LRPPRC: variants seen among roughly 807,000 people sequenced by gnomAD.
LRPPRC encodes the protein leucine-rich PPR motif-containing protein, mitochondrial.
LRPPRC carries 120 observed loss-of-function variants against 180.3 expected under a neutral mutation model. The ratio of observed to expected loss-of-function variants is 0.67; its 90% confidence interval spans 0.57 to 0.77. The LOEUF (loss-of-function observed/expected upper bound fraction) is 0.77. LRPPRC is among the 30% of genes least tolerant of loss of function. The pLI, the probability that LRPPRC is intolerant of heterozygous loss-of-function variation, is 0.00. For missense variants in LRPPRC, 2,012 were observed against 1,657.2 expected, an observed-to-expected ratio of 1.21 and a Z score of -3.72; for synonymous variants, 723 against 600.0, an observed-to-expected ratio of 1.21 and a Z score of -3.00.
chr2:43,958,868 G>A (rs997035806), intron 13 of LRPPRC: 4 of 225,316 alleles, frequency 1.8e-5, no homozygotes, highest in Admixed American at 5.6e-5. Context: ...GGAGGGGAAG[G>A]CACTGACAGG....
intron 30 of LRPPRC, among the ~76,000 whole-genome samples, chr2:43,911,674 A>C (rs561453882): frequency 1.4e-4 from 21 of 151,758 alleles, no homozygotes; most frequent in Non-Finnish European, 2.8e-4. Flanking sequence ...TTACAGGCAC[A>C]TGCCACCACG....
intron 3 of LRPPRC, among the ~76,000 whole-genome samples, chr2:43,978,885 T>C (rs916753887): frequency 6.6e-6 from 1 of 152,094 alleles, no homozygotes; most frequent in Non-Finnish European, 1.5e-5. Context: ...TCTTAAACAT[T>C]TAGTGAGTCC....
chr2:43,946,299 A>C, intron 20 of LRPPRC, 56 bp from the exon 21 acceptor site: 1 of 1,386,504 alleles, frequency 7.2e-7, no homozygotes, highest in Non-Finnish European at 1.0e-6. Flanking sequence ...TAAAAATGTC[A>C]CATTTTTAGC....
chr2:43,918,068 G>A lies in LRPPRC; in HGVS notation c.3105C>T (p.Phe1035=). Residue 1035 remains phenylalanine (F), a synonymous_variant, in exon 29 of 38, where the codon TTC becomes TTT. Transcript: ENST00000260665. ...GGCAGGCAATCAATATATCTTTCTG[G>A]AAATCAGGTTCTGTGGTTGAGGCTG... The part of the protein sequence containing the change: ...SSSASTTEPD[F]QKDILIACRL... 1 of 1,611,298 alleles carries A rather than the reference G, an allele frequency of 6.2e-7. No individual in the cohort carries two copies. The highest frequency in any genetic ancestry group is 8.5e-7 in the Non-Finnish European group (1 of 1,179,594).
chr2:43,922,177 A>G (rs1350474191), intron 27 of LRPPRC, among the ~76,000 whole-genome samples: 1 of 152,214 alleles, frequency 6.6e-6, no homozygotes, highest in Non-Finnish European at 1.5e-5. Flanking sequence ...AATTAGGACA[A>G]AATTTTGTAA....
At chr2:43,908,156 A>G (rs1025591082) in intron 30 of LRPPRC, among the ~76,000 whole-genome samples, 2 of 152,174 alleles carry the variant, frequency 1.3e-5, no homozygotes, top group Admixed American at 6.5e-5. Context: ...ATCAAGTGCT[A>G]CTCTCAAAAG....
At chr2:43,960,450 C>T in intron 13 of LRPPRC, 91 bp downstream of exon 13, 1 of 784,342 alleles carries the variant, frequency 1.3e-6, no homozygotes, top group Admixed American at 1.7e-5. Flanking sequence ...TATAAACCTT[C>T]CTTGCTTTCA....
At chr2:43,909,046 G>A (rs1017680883) in intron 30 of LRPPRC, among the ~76,000 whole-genome samples, 1 of 152,210 alleles carries the variant, frequency 6.6e-6, no homozygotes, top group Non-Finnish European at 1.5e-5. Context: ...AATGGGAAAT[G>A]GGAAGAGAGG....
chr2:43,979,758 AAC>A, intron 3 of LRPPRC, 66 bp downstream of exon 3: 3 of 1,402,186 alleles, frequency 2.1e-6, no homozygotes, highest in Non-Finnish European at 3.0e-6. Context: ...TATGTAAACA[AAC>A]ACTTTTTTGC....
At chr2:43,946,510 G>T (rs1672687184) in intron 20 of LRPPRC, among the ~76,000 whole-genome samples, 1 of 152,104 alleles carries the variant, frequency 6.6e-6, no homozygotes, top group Admixed American at 6.6e-5. Context: ...TAGGCTTTGT[G>T]TATGGTATTA....
chr2:43,897,439 A>C (rs758228590), intron 34 of LRPPRC, among the ~76,000 whole-genome samples: 10 of 152,210 alleles, frequency 6.6e-5, no homozygotes, highest in Non-Finnish European at 1.5e-4. Flanking sequence ...CAAAGCTTTA[A>C]AACACTGTCA....
Position 43,947,744 on chromosome 2 carries a change from A to G in LRPPRC, c.1952T>C (p.Leu651Ser). The G allele has an allele frequency of 6.3e-7, 1 of 1,583,726 alleles. No individual in the cohort carries two copies. Among genetic ancestry groups the G allele is most frequent in the South Asian group, 1.1e-5 (1 of 90,374 alleles). The stretch of plus-strand genomic sequence containing the variant: ...AATCCTACTTACTTTTTGAAAGTCT[A>G]AATTCTTACTCTCAACCAACAAGTG... ...DAHLLVESKN[L>S]DFQKTVQLTS... is the part of the protein sequence containing the mutation. Residue 651 changes from leucine to serine, a missense_variant, in exon 19 of 38, where the codon TTA becomes TCA. Physicochemically the swap from Leu to Ser is moderately radical, Grantham distance 145. Transcript: ENST00000260665.
chr2:43,981,934 GTCTC>G (rs561717078), intron 2 of LRPPRC, among the ~76,000 whole-genome samples: 2 of 151,824 alleles, frequency 1.3e-5, no homozygotes, highest in South Asian at 2.1e-4. Flanking sequence ...AAAGACAGAT[GTCTC>G]TCTCTGTCGC....
Position 43,995,765 on chromosome 2 carries a change from G to A in LRPPRC, c.149+34C>T, listed in dbSNP as rs914463874. On this transcript the variant is annotated intron_variant, in intron 1 of 37. Coordinates refer to ENST00000260665, the MANE Select transcript of LRPPRC (RefSeq NM_133259.4). ...CACGACCCCGGGGGACCCTGGCGCC[G>A]CAGCTTGCCTGGAGAAAGGGCCTGG... is the stretch of plus-strand genomic sequence containing the variant. 11 of 1,346,886 alleles carry A rather than the reference G, an allele frequency of 8.2e-6. No homozygotes were observed. In the Admixed American group the frequency reaches 2.5e-4, roughly 30 times the overall value. The allele number at this position is 1,346,886 out of a possible 1,614,324, so 83.4% of individuals were successfully genotyped here.
intron 25 of LRPPRC, among the ~76,000 whole-genome samples, chr2:43,933,646 T>A (rs769697277): frequency 6.6e-6 from 1 of 152,124 alleles, no homozygotes; most frequent in Non-Finnish European, 1.5e-5. Flanking sequence ...AATATACTAA[T>A]CCTAAATAGG....
intron 23 of LRPPRC, among the ~76,000 whole-genome samples, chr2:43,935,664 TTC>T: frequency 6.6e-6 from 1 of 152,164 alleles, no homozygotes; most frequent in East Asian, 1.9e-4. Flanking sequence ...AAGAAGTATT[TTC>T]CCCCCATAAA....
At chr2:43,974,585 A>C in intron 8 of LRPPRC, 29 bp downstream of exon 8, 1 of 1,412,692 alleles carries the variant, frequency 7.1e-7, no homozygotes, top group Non-Finnish European at 9.9e-7. Flanking sequence ...TTTTATAAAA[A>C]TCATGTAAAT....
intron 26 of LRPPRC, 71 bp downstream of exon 26, chr2:43,925,822 A>G (rs1671856455): frequency 1.0e-6 from 1 of 973,100 alleles, no homozygotes; most frequent in Non-Finnish European, 1.7e-6. Context: ...CCAAATCTTC[A>G]TGTGATACAG....
intron 36 of LRPPRC, among the ~76,000 whole-genome samples, chr2:43,893,361 A>G (rs762573306): frequency 5.9e-5 from 9 of 152,234 alleles, no homozygotes; most frequent in Non-Finnish European, 1.3e-4. Flanking sequence ...ATCGCATACT[A>G]CAGAGAACTC....
Sources: allele counts gnomAD v4.1 joint callset (sites outside exome capture counted in the v4.1 genomes callset), GRCh38; gene constraint gnomAD v4.1.1; transcripts MANE v1.5; gene names NCBI Gene and HGNC (gene_info 2026-07-23, HGNC 2026-07-21).